Variants in GLRA2 observed in about 807,000 individuals in gnomAD.
The protein encoded by GLRA2 is glycine receptor subunit alpha-2.
In GLRA2, 11 loss-of-function variants were observed where a neutral mutation model predicts 31.6. The observed-to-expected ratio is 0.35, with a 90% CI of 0.22 to 0.58. The LOEUF is 0.58. Ranked by LOEUF, GLRA2 falls within the 20% of genes least tolerant of loss-of-function variation. The pLI, the probability that GLRA2 is intolerant of heterozygous loss-of-function variation, is 0.84. For missense variants in GLRA2, 212 were observed against 351.8 expected, an observed-to-expected ratio of 0.60 and a Z score of 3.18; for synonymous variants, 132 against 134.0, an observed-to-expected ratio of 0.99 and a Z score of 0.10.
intron 8 of GLRA2, among the ~76,000 whole-genome samples, chrX:14,722,429 A>C (rs748063001): frequency 9.0e-6 from 1 of 111,382 alleles, no homozygotes; most frequent in South Asian, 3.8e-4. Flanking sequence ...TTGGAGCTTC[A>C]TCACTTTTTA....
At chrX:14,618,400 TGTA>T (rs763390655) in intron 7 of GLRA2, among the ~76,000 whole-genome samples, 189 of 111,970 alleles carry the variant, frequency 1.7e-3, no homozygotes, top group African/African-American at 5.4e-3. Context: ...TGCATGATAA[TGTA>T]GTCATTTATG....
chrX:14,513,568 A>T, the GLRA2 span, among the ~76,000 whole-genome samples: 33 of 111,677 alleles, frequency 3.0e-4, no homozygotes, highest in Non-Finnish European at 3.6e-4. Context: ...AAATTAGCAT[A>T]AAAAAACCGA....
At chrX:14,682,393 A>C in intron 7 of GLRA2, among the ~76,000 whole-genome samples, 1 of 111,434 alleles carries the variant, frequency 9.0e-6, no homozygotes, top group Non-Finnish European at 1.9e-5. Flanking sequence ...TCTTAAAAAT[A>C]ATAATTAGAA....
the GLRA2 span, among the ~76,000 whole-genome samples, chrX:14,504,218 A>G: frequency 8.9e-6 from 1 of 112,080 alleles, no homozygotes; most frequent in South Asian, 3.7e-4. Context: ...AGGCAAAAAT[A>G]TAACTCAGTG....
intron 2 of GLRA2, among the ~76,000 whole-genome samples, chrX:14,556,763 G>C (rs141507139): frequency 3.6e-4 from 40 of 112,108 alleles, no homozygotes; most frequent in African/African-American, 1.2e-3. Flanking sequence ...GTGATGCTTG[G>C]TTGGGCAGAC....
the GLRA2 span, among the ~76,000 whole-genome samples, chrX:14,482,853 C>G: frequency 9.0e-6 from 1 of 110,681 alleles, no homozygotes; most frequent in Non-Finnish European, 1.9e-5. Context: ...TTATTTAATT[C>G]TCACACAGAC....
At chrX:14,543,530 G>A (rs771638205) in intron 2 of GLRA2, among the ~76,000 whole-genome samples, 1 of 111,185 alleles carries the variant, frequency 9.0e-6, no homozygotes, top group East Asian at 2.8e-4. Flanking sequence ...AAACTTATGA[G>A]GAGATTACTG....
chrX:14,572,013 C>T (rs989296812), intron 2 of GLRA2, among the ~76,000 whole-genome samples: 1 of 111,953 alleles, frequency 8.9e-6, no homozygotes, highest in Non-Finnish European at 1.9e-5. Context: ...CATGTTTTCT[C>T]ATCTGTAAAC....
At chrX:14,606,486 G>A (rs1196513677) in intron 5 of GLRA2, among the ~76,000 whole-genome samples, 2 of 111,502 alleles carry the variant, frequency 1.8e-5, no homozygotes, top group East Asian at 5.7e-4. Context: ...ATTGTGATGA[G>A]TGGGCCCATT....
intron 8 of GLRA2, among the ~76,000 whole-genome samples, chrX:14,704,972 T>C (rs936907047): frequency 4.5e-5 from 5 of 112,025 alleles, no homozygotes; most frequent in Non-Finnish European, 7.5e-5. Flanking sequence ...AGGGAGAGTA[T>C]AGTGTACTTC....
At chrX:14,571,863 G>A in intron 2 of GLRA2, among the ~76,000 whole-genome samples, 1 of 111,648 alleles carries the variant, frequency 9.0e-6, no homozygotes, top group East Asian at 2.8e-4. Context: ...GGCCAGGAGG[G>A]CAACAGGATA....
intron 2 of GLRA2, among the ~76,000 whole-genome samples, chrX:14,567,127 C>T (rs753492018): frequency 9.0e-5 from 10 of 111,587 alleles, no homozygotes; most frequent in African/African-American, 3.3e-4. Context: ...TGCTGGGGGA[C>T]AGTAGTTAAC....
chrX:14,498,258 C>A, the GLRA2 span, among the ~76,000 whole-genome samples: 7 of 110,292 alleles, frequency 6.3e-5, no homozygotes, highest in Admixed American at 6.7e-4. Context: ...TCATAGAAAC[C>A]AGATAGAAAT....
intron 7 of GLRA2, among the ~76,000 whole-genome samples, chrX:14,629,878 G>A (rs1400073924): frequency 2.7e-5 from 3 of 111,177 alleles, no homozygotes; most frequent in African/African-American, 9.8e-5. Context: ...TTCTCCTCCA[G>A]CTTTTGTACA....
At chrX:14,597,224 G>A (rs1298601672) in intron 4 of GLRA2, among the ~76,000 whole-genome samples, 1 of 111,811 alleles carries the variant, frequency 8.9e-6, no homozygotes, top group Non-Finnish European at 1.9e-5. Context: ...CCTTCCTTAT[G>A]TTCTCAGTGA....
chrX:14,523,664 T>C, the GLRA2 span, among the ~76,000 whole-genome samples: 1 of 111,351 alleles, frequency 9.0e-6, no homozygotes, highest in Non-Finnish European at 1.9e-5. Context: ...AATATTGTTG[T>C]GTCTCAGGGA....
At chrX:14,659,902 G>C (rs1427266021) in intron 7 of GLRA2, among the ~76,000 whole-genome samples, 1 of 111,900 alleles carries the variant, frequency 8.9e-6, no homozygotes, top group Non-Finnish European at 1.9e-5. Flanking sequence ...TCATTCAGTG[G>C]ATTTATCTGT....
chrX:14,559,213 G>GAATCTGTA (rs981468964), intron 2 of GLRA2, among the ~76,000 whole-genome samples: 8 of 111,067 alleles, frequency 7.2e-5, no homozygotes, highest in Non-Finnish European at 1.3e-4. Context: ...CAGGCTGTGG[G>GAATCTGTA]AATCTGTAAA....
chrX:14,469,177 C>G, the GLRA2 span, among the ~76,000 whole-genome samples: 1 of 111,143 alleles, frequency 9.0e-6, no homozygotes, highest in African/African-American at 3.3e-5. Flanking sequence ...TAATTAGATC[C>G]CATTTGTCAA....
Sources: allele counts gnomAD v4.1 joint callset (sites outside exome capture counted in the v4.1 genomes callset), GRCh38; gene constraint gnomAD v4.1.1; transcripts MANE v1.5; gene names NCBI Gene and HGNC (gene_info 2026-07-23, HGNC 2026-07-21).